The following LRRC56 variants were observed in gnomAD, a reference collection of about 807,000 sequenced individuals.
LRRC56 encodes leucine rich repeat containing 56, also known as leucine-rich repeat-containing protein 56.
LRRC56 carries 41 observed loss-of-function variants against 47.8 expected under a neutral mutation model. The ratio of observed to expected loss-of-function variants is 0.86; its 90% CI spans 0.67 to 1.11. The LOEUF is 1.11. Among genes scored for constraint, LRRC56 ranks in the 50% most tolerant of loss-of-function variants. The pLI, the probability that LRRC56 is intolerant of heterozygous loss-of-function variation, is 0.00. For synonymous variants in LRRC56, 387 were observed against 311.2 expected, an observed-to-expected ratio of 1.24 and a Z score of -2.56; for missense variants, 759 against 704.2, an observed-to-expected ratio of 1.08 and a Z score of -0.88.
the LRRC56 span, among the ~76,000 whole-genome samples, chr11:511,735 C>T: frequency 2.6e-5 from 4 of 152,198 alleles, no homozygotes; most frequent in African/African-American, 7.2e-5. Context: ...AGGGCCCAGG[C>T]GTGACCCTCT....
At chr11:553,436 C>T (rs901634102) in intron 13 of LRRC56, among the ~76,000 whole-genome samples, 2 of 151,948 alleles carry the variant, frequency 1.3e-5, no homozygotes, top group African/African-American at 2.4e-5. Flanking sequence ...AGGGGGCAGA[C>T]AGAGGGGTCA....
the LRRC56 span, among the ~76,000 whole-genome samples, chr11:516,171 A>G: frequency 6.6e-6 from 1 of 152,134 alleles, no homozygotes; most frequent in African/African-American, 2.4e-5. Context: ...AGGTGGGTGG[A>G]TCACTTGAGG....
At position 552,563 on chromosome 11, in the gene LRRC56, C is replaced by T. The variant is rs1317332904; in HGVS notation, c.1182-6C>T. 2.5e-6 allele frequency: 4 copies of T among 1,595,770 alleles called. No homozygotes were observed. The highest frequency in any genetic ancestry group is 3.4e-5 in the Admixed American group (2 of 58,522). ...GCTGGAGCTTCTCCTCCTCTCCCCA[C>T]CCTAGCCCCCTCCCCTATAGGCACC... On this transcript the variant is annotated splice_region_variant and splice_polypyrimidine_tract_variant and intron_variant, in intron 12 of 13. Coordinates refer to ENST00000270115, the MANE Select transcript of LRRC56 (RefSeq NM_198075.4).
At chr11:534,576 A>C, upstream of LRRC56, 1 of 574,236 alleles carries the variant, frequency 1.7e-6, no homozygotes. Flanking sequence ...CTTGCTCTTA[A>C]TGACCCAGTG....
At chr11:553,004 C>G (rs1303057335) in intron 13 of LRRC56, among the ~76,000 whole-genome samples, 1 of 152,128 alleles carries the variant, frequency 6.6e-6, no homozygotes, top group African/African-American at 2.4e-5. Flanking sequence ...GGAGTCGGGA[C>G]AGAAAGAAGG....
upstream of LRRC56, among the ~76,000 whole-genome samples, chr11:534,740 G>A (rs1478730314): frequency 1.3e-3 from 198 of 152,358 alleles, 3 homozygotes; most frequent in Non-Finnish European, 2.2e-4. Flanking sequence ...TGGCCACGGC[G>A]GAGCGCGCCA....
the LRRC56 span, among the ~76,000 whole-genome samples, chr11:517,605 G>A: frequency 2.2e-4 from 34 of 152,220 alleles, no homozygotes; most frequent in Non-Finnish European, 2.1e-4. Flanking sequence ...CGGCCACCCC[G>A]TCTGGGAGGT....
the LRRC56 span, among the ~76,000 whole-genome samples, chr11:525,542 T>C: frequency 6.2e-5 from 9 of 144,696 alleles, no homozygotes; most frequent in Non-Finnish European, 1.4e-4. Context: ...AGTGAGACCC[T>C]GTCTCAAAGA....
At chr11:525,094 CA>C in the LRRC56 span, among the ~76,000 whole-genome samples, 8,208 of 125,184 alleles carry the variant, frequency 0.066, 264 homozygotes, top group Middle Eastern at 0.12. Flanking sequence ...GACTCCGTCT[CA>C]AAAAAAAAAA....
upstream of LRRC56, among the ~76,000 whole-genome samples, chr11:536,376 C>T (rs1177157248): frequency 6.6e-6 from 1 of 152,226 alleles, no homozygotes; most frequent in Non-Finnish European, 1.5e-5. Context: ...CAGGGCTCAC[C>T]CCAAGCACAT....
chr11:536,242 C>G (rs999992787), upstream of LRRC56, among the ~76,000 whole-genome samples: 1 of 152,246 alleles, frequency 6.6e-6, no homozygotes, highest in Non-Finnish European at 1.5e-5. Flanking sequence ...TCCTCTTTCT[C>G]GGGCCTGCGT....
At chr11:528,046 G>C in the LRRC56 span, among the ~76,000 whole-genome samples, 5 of 151,982 alleles carry the variant, frequency 3.3e-5, no homozygotes, top group African/African-American at 7.2e-5. Flanking sequence ...GTGTTGGCCA[G>C]GCTGGTCTTG....
Sources: gnomAD v4.1 joint callset for allele counts (sites outside exome capture counted in the v4.1 genomes callset) on GRCh38, gnomAD v4.1.1 for gene constraint, MANE v1.5 for transcripts, NCBI Gene and HGNC (gene_info 2026-07-23, HGNC 2026-07-21) for gene names.